KIFC3: variants seen among roughly 807,000 people sequenced by gnomAD.
KIFC3 encodes kinesin-like protein KIFC3.
Under a neutral mutation model 101.8 loss-of-function variants are expected in KIFC3, and 60 were observed. That is an observed-to-expected ratio of 0.59 (90% CI 0.48 to 0.73). The LOEUF is 0.73. Ranked by LOEUF, KIFC3 falls within the 30% of genes least tolerant of loss-of-function variation. The pLI is 0.00. For synonymous variants in KIFC3, 476 were observed against 482.7 expected (o/e 0.99, Z 0.18); for missense variants, 966 against 1,137.1 (o/e 0.85, Z 2.16).
At chr16:57,847,985 C>T (rs2055971042) in intron 1 of KIFC3, among the ~76,000 whole-genome samples, 1 of 152,116 alleles carries the variant, frequency 6.6e-6, no homozygotes, top group Admixed American at 6.6e-5. Flanking sequence ...GGGGTTTCAC[C>T]ATGTTGGCCA....
intron 2 of KIFC3, 100 bp downstream of exon 2, chr16:57,797,972 C>T (rs1211761200): frequency 6.5e-7 from 1 of 1,545,608 alleles, no homozygotes; most frequent in African/African-American, 1.4e-5. Context: ...TACCTGACAG[C>T]TCTGACTGGG....
At chr16:57,805,261 A>C (rs2054908827), upstream of KIFC3, among the ~76,000 whole-genome samples, 3 of 152,162 alleles carry the variant, frequency 2.0e-5, 1 homozygote, top group Admixed American at 2.0e-4. Flanking sequence ...TATTTGCATG[A>C]GCCACCATAC....
At chr16:57,795,439 A>G (rs1555622337) in intron 2 of KIFC3, among the ~76,000 whole-genome samples, 1 of 152,216 alleles carries the variant, frequency 6.6e-6, no homozygotes, top group Non-Finnish European at 1.5e-5. Context: ...TGGGGCAGGC[A>G]TCTGCTCAGC....
chr16:57,771,419 C>A lies in KIFC3; in HGVS notation c.544G>T (p.Asp182Tyr). 6.2e-7 allele frequency: 1 copy of A among 1,613,620 alleles called. No individual in the cohort carries two copies. Among genetic ancestry groups the A allele is most frequent in the African/African-American group, 1.3e-5 (1 of 75,076 alleles). Residue 182 changes from aspartate to tyrosine, a missense_variant, in exon 6 of 20, where the codon GAC (aspartate) becomes TAC (tyrosine). Physicochemically the swap from Asp to Tyr is radical, Grantham distance 160 (BLOSUM62 -3). Coordinates refer to ENST00000445690, the MANE Select transcript of KIFC3 (RefSeq NM_001130100.2). Reference protein sequence around the residue: ...EHSQESAQLRDKLSQLQLEMA... With the variant: ...EHSQESAQLRYKLSQLQLEMA... ...TCCAGCTGCAGCTGGGACAGCTTGT[C>A]ACGGAGCTGGGCGCTCTCCTGCAGC...
chr16:57,805,672 ACTTT>A (rs1568070413), upstream of KIFC3, among the ~76,000 whole-genome samples: 1 of 103,656 alleles, frequency 9.6e-6, no homozygotes, highest in Non-Finnish European at 2.0e-5. Context: ...ATGCCCATAG[ACTTT>A]TTTTTTTTTT....
chr16:57,837,233 C>T (rs1335558663), intron 1 of KIFC3, among the ~76,000 whole-genome samples: 3 of 151,932 alleles, frequency 2.0e-5, no homozygotes, highest in Non-Finnish European at 2.9e-5. Context: ...ATTGGGAGGC[C>T]GAGACGGGTG....
At chr16:57,853,942 A>C (rs1444356324) in intron 1 of KIFC3, among the ~76,000 whole-genome samples, 2 of 148,588 alleles carry the variant, frequency 1.3e-5, no homozygotes, top group Admixed American at 6.7e-5. Context: ...CTTAATTTTT[A>C]TTTGATTATT....
chr16:57,792,938 T>A (rs1376930422), intron 3 of KIFC3, among the ~76,000 whole-genome samples: 1 of 149,208 alleles, frequency 6.7e-6, no homozygotes, highest in African/African-American at 2.5e-5. Context: ...TTACCAGGAC[T>A]TACTTGAGGG....
At chr16:57,837,031 T>C (rs1221837696) in intron 1 of KIFC3, among the ~76,000 whole-genome samples, 6 of 152,168 alleles carry the variant, frequency 3.9e-5, no homozygotes, top group African/African-American at 1.2e-4. Flanking sequence ...GAGGCTCTGC[T>C]AGTCATTAGA....
At chr16:57,837,815 A>T (rs1227314047) in intron 1 of KIFC3, among the ~76,000 whole-genome samples, 3 of 152,170 alleles carry the variant, frequency 2.0e-5, no homozygotes, top group African/African-American at 7.2e-5. Context: ...GTCTGAGAAC[A>T]TCCACAGCAG....
Position 57,769,138 on chromosome 16 carries a change from A to G in KIFC3, c.1218+457T>C, listed in dbSNP as rs1360959101. Among the ~76,000 whole-genome samples the G allele has an allele frequency of 1.3e-5, 2 of 152,126 alleles. No individual in the cohort carries two copies. Among genetic ancestry groups the G allele is most frequent in the African/African-American group, 2.4e-5 (1 of 41,428 alleles). On this transcript the variant is annotated intron_variant, in intron 9 of 19. Coordinates refer to ENST00000445690, the MANE Select transcript of KIFC3 (RefSeq NM_001130100.2). This position sits in a 1 kb window ranked among gnomAD's most constrained non-coding sequence, Gnocchi z 4.3. ...AACCTCCGCCTTCTGGGTTCAAGTG[A>G]TTCTCCTGCCTCAGCCTCCCGAGTA...
chr16:57,769,367 A>G lies in KIFC3; in HGVS notation c.1218+228T>C, dbSNP rs983473851. ...TTTGAAATATGAAGTTATCTGTAAC[A>G]TGTTTGGTTTAAAGAATCATAGTAA... On this transcript the variant is annotated intron_variant, in intron 9 of 19. Coordinates refer to ENST00000445690, the MANE Select transcript of KIFC3 (RefSeq NM_001130100.2). The surrounding 1 kb of genome is among the most constrained non-coding windows in gnomAD (Gnocchi z 4.3). 6.6e-5 allele frequency among the ~76,000 whole-genome samples: 10 copies of G among 152,226 alleles called. No individual in the cohort carries two copies. The highest frequency in any genetic ancestry group is 1.3e-4 in the Admixed American group (2 of 15,278).
At chr16:57,782,135 G>GT in intron 3 of KIFC3, 5 of 985,460 alleles carry the variant, frequency 5.1e-6, no homozygotes, top group Non-Finnish European at 6.0e-6. Flanking sequence ...GCACACGGGA[G>GT]TGACAGCTCA....
intron 1 of KIFC3, among the ~76,000 whole-genome samples, chr16:57,821,036 G>A (rs1555629804): frequency 6.6e-6 from 1 of 152,084 alleles, no homozygotes; most frequent in African/African-American, 2.4e-5. Flanking sequence ...GGAGACTGAG[G>A]CAGGAGGATC....
At chr16:57,793,638 T>C (rs1335367706) in intron 3 of KIFC3, among the ~76,000 whole-genome samples, 1 of 142,770 alleles carries the variant, frequency 7.0e-6, no homozygotes, top group East Asian at 2.1e-4. Context: ...CTGGCCAACA[T>C]GGTGAAATGG....
chr16:57,795,245 T>G, intron 2 of KIFC3, 104 bp from the exon 3 acceptor site: 1 of 1,361,848 alleles, frequency 7.3e-7, no homozygotes. Flanking sequence ...CTTTCACACA[T>G]CCCTGGCTGG....
chr16:57,790,083 T>C (rs376103159), intron 3 of KIFC3, among the ~76,000 whole-genome samples: 1 of 142,998 alleles, frequency 7.0e-6, no homozygotes, highest in Admixed American at 7.0e-5. Context: ...TCTTTCTTTT[T>C]TTTTTTTTTT....
At chr16:57,760,136 T>G (rs35782193) in intron 17 of KIFC3, 146 bp downstream of exon 17, 1 of 951,432 alleles carries the variant, frequency 1.1e-6, no homozygotes. Context: ...CTGCTGGCTG[T>G]GGGTTCCAGC....
At chr16:57,860,092 T>TA (rs201448589) in intron 1 of KIFC3, among the ~76,000 whole-genome samples, 1 of 127,236 alleles carries the variant, frequency 7.9e-6, no homozygotes, top group East Asian at 3.5e-4. Context: ...TAAAATAAAA[T>TA]AAAAACAAGT....
Sources: allele counts gnomAD v4.1 joint callset (sites outside exome capture counted in the v4.1 genomes callset), GRCh38; gene constraint gnomAD v4.1.1; non-coding constraint Gnocchi (gnomAD v3.1); transcripts MANE v1.5; gene names NCBI Gene and HGNC (gene_info 2026-07-23, HGNC 2026-07-21).